The following CSMD1 variants were observed in gnomAD, a reference collection of about 807,000 sequenced individuals.
CSMD1 encodes the protein CUB and sushi domain-containing protein 1.
In CSMD1, 213 loss-of-function variants were observed where a neutral mutation model predicts 417.5. The ratio of observed to expected loss-of-function variants is 0.51; its 90% confidence interval spans 0.46 to 0.57. CSMD1 has a LOEUF of 0.57. CSMD1 is among the 20% of genes least tolerant of loss of function. CSMD1 has a pLI of 0.00. For synonymous variants in CSMD1, 2,862 were observed against 1,736.8 expected (o/e 1.65, Z -16.11); for missense variants, 6,923 against 4,529.7 (o/e 1.53, Z -15.17).
At chr8:3,569,169 C>T (rs542232937) in intron 10 of CSMD1, among the ~76,000 whole-genome samples, 5 of 152,196 alleles carry the variant, frequency 3.3e-5, no homozygotes, top group South Asian at 2.1e-4. Flanking sequence ...TCTTGAGAGG[C>T]CTTTCATTTT....
chr8:3,555,209 G>T (rs1325304048), intron 10 of CSMD1, among the ~76,000 whole-genome samples: 1 of 150,800 alleles, frequency 6.6e-6, no homozygotes, highest in East Asian at 2.0e-4. Flanking sequence ...AGATGGACGG[G>T]AGCTTTTGTG....
intron 29 of CSMD1, 132 bp downstream of exon 29, chr8:3,219,123 T>C (rs1413176765): frequency 1.2e-5 from 8 of 678,710 alleles, no homozygotes; most frequent in South Asian, 1.9e-5. Flanking sequence ...GACATGTATC[T>C]TCCCAGACAG....
intron 5 of CSMD1, among the ~76,000 whole-genome samples, chr8:3,889,347 C>T (rs1806784098): frequency 6.7e-6 from 1 of 150,174 alleles, no homozygotes; most frequent in African/African-American, 2.4e-5. Context: ...TCTTATGGTA[C>T]TAAAACAAAT....
intron 17 of CSMD1, among the ~76,000 whole-genome samples, chr8:3,390,801 C>G (rs571280065): frequency 1.3e-5 from 2 of 152,024 alleles, no homozygotes; most frequent in Non-Finnish European, 1.5e-5. Flanking sequence ...CTGTATGAAT[C>G]AACAGTCTTT....
intron 1 of CSMD1, among the ~76,000 whole-genome samples, chr8:4,826,321 G>T (rs929367621): frequency 1.3e-5 from 2 of 151,848 alleles, no homozygotes; most frequent in Admixed American, 6.6e-5. Flanking sequence ...GTGTGTGTGT[G>T]TATATATACA....
rs78473605 is a variant in CSMD1, at chr8:4,976,039, G to T, written c.85+18293C>A. ...GACTGGAGCTTTTGTTTACTTGCAG[G>T]TAATAATTTCTTAAGCATAAGTGTC... On this transcript the variant is annotated intron_variant, in intron 1 of 69. Transcript: ENST00000635120. 2.6e-5 allele frequency among the ~76,000 whole-genome samples: 4 copies of T among 152,280 alleles called. 1 individual carries two copies. In the South Asian group the frequency reaches 6.2e-4, roughly 24 times the overall value.
chr8:4,969,514 C>A (rs1810104813), intron 1 of CSMD1, among the ~76,000 whole-genome samples: 1 of 151,320 alleles, frequency 6.6e-6, no homozygotes, highest in African/African-American at 2.4e-5. Context: ...TTCCTCCACC[C>A]AAGTAGAAGA....
chr8:3,398,752 G>A (rs907865784), intron 16 of CSMD1, among the ~76,000 whole-genome samples: 1 of 152,138 alleles, frequency 6.6e-6, no homozygotes, highest in Admixed American at 6.5e-5. Context: ...TGGTCTCAGT[G>A]TTGAGAGAAA....
At chr8:4,841,930 A>AACAAAAAAAAAAAACAAAAC (rs1554499186) in intron 1 of CSMD1, among the ~76,000 whole-genome samples, 12 of 122,424 alleles carry the variant, frequency 9.8e-5, no homozygotes, top group Non-Finnish European at 1.9e-4. Flanking sequence ...AAAAAAAAAA[A>AACAAAAAAAAAAAACAAAAC]AAAAAAAAGT....
At chr8:4,226,454 A>G (rs940183807) in intron 3 of CSMD1, among the ~76,000 whole-genome samples, 5 of 152,208 alleles carry the variant, frequency 3.3e-5, no homozygotes, top group African/African-American at 1.2e-4. Context: ...AACAGCAAAG[A>G]ATTAAAATAC....
At chr8:4,007,959 G>A (rs960943564) in intron 4 of CSMD1, among the ~76,000 whole-genome samples, 2 of 152,166 alleles carry the variant, frequency 1.3e-5, no homozygotes, top group Non-Finnish European at 2.9e-5. Context: ...CGAAATTTCA[G>A]ATAAAAATTA....
At chr8:3,368,063 C>T (rs1395612711) in intron 19 of CSMD1, among the ~76,000 whole-genome samples, 1 of 152,114 alleles carries the variant, frequency 6.6e-6, no homozygotes, top group Non-Finnish European at 1.5e-5. Context: ...TTTCTGGATT[C>T]CTATAGTGAA....
At chr8:4,174,333 G>A (rs896771068) in intron 3 of CSMD1, among the ~76,000 whole-genome samples, 3 of 152,058 alleles carry the variant, frequency 2.0e-5, no homozygotes, top group East Asian at 1.9e-4. Context: ...TATTATTCCC[G>A]TTTTACAGAT....
At chr8:4,105,800 C>G (rs1030283889) in intron 3 of CSMD1, among the ~76,000 whole-genome samples, 1 of 152,188 alleles carries the variant, frequency 6.6e-6, no homozygotes, top group Non-Finnish European at 1.5e-5. Context: ...GAAAAGTGTC[C>G]TTTCCACTGA....
At chr8:3,237,377 G>C (rs903771062) in intron 26 of CSMD1, among the ~76,000 whole-genome samples, 1 of 151,622 alleles carries the variant, frequency 6.6e-6, no homozygotes, top group Admixed American at 6.6e-5. Context: ...TGAGGCAGGA[G>C]ACTCAGGAGG....
chr8:3,938,589 G>A (rs1275137762), intron 5 of CSMD1, among the ~76,000 whole-genome samples: 2 of 152,076 alleles, frequency 1.3e-5, no homozygotes, highest in Non-Finnish European at 2.9e-5. Context: ...GGCATTTCTT[G>A]GAAATCATGC....
intron 3 of CSMD1, among the ~76,000 whole-genome samples, chr8:4,134,205 C>G (rs1439474679): frequency 2.0e-5 from 3 of 152,100 alleles, no homozygotes; most frequent in Admixed American, 1.3e-4. Context: ...AAGTCACTGT[C>G]CTTACACGCT....
At chr8:3,314,930 C>A (rs1405718025) in intron 23 of CSMD1, among the ~76,000 whole-genome samples, 1 of 152,216 alleles carries the variant, frequency 6.6e-6, no homozygotes, top group Non-Finnish European at 1.5e-5. Flanking sequence ...CAGCTTCTAT[C>A]TGAGCAACTC....
intron 11 of CSMD1, among the ~76,000 whole-genome samples, chr8:3,471,294 T>C (rs1373199532): frequency 6.6e-6 from 1 of 152,224 alleles, no homozygotes. Context: ...GAGAGGTCTC[T>C]CTTTTCCTCC....
Sources: gnomAD v4.1 joint callset for allele counts (sites outside exome capture counted in the v4.1 genomes callset) on GRCh38, gnomAD v4.1.1 for gene constraint, MANE v1.5 for transcripts, NCBI Gene and HGNC (gene_info 2026-07-23, HGNC 2026-07-21) for gene names.